Variants in C4orf36 observed in about 807,000 individuals in gnomAD.
C4orf36 encodes the protein uncharacterized protein C4orf36.
Under a neutral mutation model 12.2 loss-of-function variants are expected in C4orf36, and 11 were observed. The observed-to-expected ratio is 0.90, with a 90% CI of 0.57 to 1.49. The LOEUF is 1.49. Among genes scored for constraint, C4orf36 ranks in the 40% most tolerant of loss-of-function variants. C4orf36 has a pLI of 0.00. For missense variants in C4orf36, 137 were observed against 133.9 expected (o/e 1.02, Z -0.11); for synonymous variants, 54 against 51.3 (o/e 1.05, Z -0.22).
chr4:86,896,524 G>A (rs570047520), upstream of C4orf36, among the ~76,000 whole-genome samples: 11 of 152,040 alleles, frequency 7.2e-5, no homozygotes, highest in South Asian at 1.9e-3. Context: ...ACCAAATAAC[G>A]GCCCTAAATA....
the C4orf36 span, chr4:86,914,335 C>T: frequency 5.2e-6 from 8 of 1,526,232 alleles, no homozygotes; most frequent in African/African-American, 1.4e-5. Context: ...GTGATATGTC[C>T]GTTGTGCTCC....
chr4:86,895,749 T>TTCTATC (rs1272533733), upstream of C4orf36, among the ~76,000 whole-genome samples: 1 of 150,332 alleles, frequency 6.7e-6, no homozygotes, highest in Non-Finnish European at 1.5e-5. Context: ...TTCCCTCTAT[T>TTCTATC]TCTATCTCTA....
chr4:86,909,383 G>A, the C4orf36 span, among the ~76,000 whole-genome samples: 1 of 152,170 alleles, frequency 6.6e-6, no homozygotes, highest in African/African-American at 2.4e-5. Context: ...GGTCTCCTGT[G>A]TCAGCACTAG....
At chr4:86,915,452 G>A in the C4orf36 span, among the ~76,000 whole-genome samples, 2 of 152,212 alleles carry the variant, frequency 1.3e-5, no homozygotes, top group African/African-American at 2.4e-5. Context: ...GAAGTCATAT[G>A]GCTTTAGGGT....
chr4:86,932,056 A>G, the C4orf36 span, among the ~76,000 whole-genome samples: 35 of 141,378 alleles, frequency 2.5e-4, no homozygotes, highest in African/African-American at 9.3e-4. Context: ...AAAAAAAAAA[A>G]AAGATTTATT....
chr4:86,912,645 G>A, the C4orf36 span, among the ~76,000 whole-genome samples: 1 of 152,242 alleles, frequency 6.6e-6, no homozygotes, highest in South Asian at 2.1e-4. Flanking sequence ...TATTGCTATT[G>A]AGATGTCAAT....
At chr4:86,935,988 C>T in the C4orf36 span, 1 of 152,146 alleles carries the variant, frequency 6.6e-6, no homozygotes, top group African/African-American at 2.4e-5. Context: ...CACACGTTAC[C>T]TTAGTGTAAT....
intron 1 of C4orf36, 122 bp downstream of exon 1, chr4:86,892,061 A>T (rs10034336): frequency 0.44 from 430,854 of 985,548 alleles, 96,350 homozygotes; most frequent in Non-Finnish European, 0.46. Flanking sequence ...CGAGTCCCCT[A>T]CCCTTCCCCG....
chr4:86,932,839 C>T, the C4orf36 span, among the ~76,000 whole-genome samples: 2 of 147,434 alleles, frequency 1.4e-5, no homozygotes, highest in Admixed American at 6.8e-5. Context: ...TTATTAGAAA[C>T]ATAATCTGAA....
rs1747447455 is a variant in C4orf36 at position 86,892,194 on chromosome 4, C to T, written c.-85G>A. 1.0e-6 allele frequency: 1 copy of T among 985,570 alleles called. No homozygotes were observed. The highest frequency in any genetic ancestry group is 4.7e-5 in the South Asian group (1 of 21,292). The allele number at this position is 985,570 out of a possible 1,614,324, so 61.1% of individuals were successfully genotyped here. On this transcript the variant is annotated 5_prime_UTR_variant, in exon 1 of 5. Coordinates refer to ENST00000295898, the MANE Select transcript of C4orf36 (RefSeq NM_144645.4). Reference sequence around the variant, plus strand: ...GCTCCTTCCCACACCTGGGCCCCACCCTGCCTCCGACTCGCCAGGAATGCG... The same window carrying T: ...GCTCCTTCCCACACCTGGGCCCCACTCTGCCTCCGACTCGCCAGGAATGCG...
At chr4:86,924,803 C>A in the C4orf36 span, 1 of 152,322 alleles carries the variant, frequency 6.6e-6, no homozygotes, top group Admixed American at 6.5e-5. Flanking sequence ...TGTGTGCTAG[C>A]ACATTCTCAC....
intron 4 of C4orf36, 123 bp from the exon 5 acceptor site, chr4:86,876,566 C>G: frequency 6.2e-7 from 1 of 1,613,826 alleles, no homozygotes; most frequent in Non-Finnish European, 8.5e-7. Flanking sequence ...GACCTTTAGC[C>G]CATCAAAACC....
intron 4 of C4orf36, chr4:86,876,734 C>A (rs557031675): frequency 1.9e-5 from 29 of 1,533,262 alleles, no homozygotes. Context: ...GGAAAGTTCT[C>A]TGGCTGTTGC....
At chr4:86,905,840 G>A in the C4orf36 span, among the ~76,000 whole-genome samples, 16 of 151,392 alleles carry the variant, frequency 1.1e-4, 1 homozygote, top group African/African-American at 2.9e-4. Context: ...TCAGCCTCCC[G>A]AGTACCTGGG....
chr4:86,877,177 T>C (rs1226705582), intron 4 of C4orf36, among the ~76,000 whole-genome samples: 1 of 152,236 alleles, frequency 6.6e-6, no homozygotes, highest in Non-Finnish European at 1.5e-5. Context: ...GAAAATTGAA[T>C]TGGTTTTGAT....
chr4:86,908,764 A>C, the C4orf36 span, among the ~76,000 whole-genome samples: 3 of 152,052 alleles, frequency 2.0e-5, no homozygotes, highest in Non-Finnish European at 4.4e-5. Flanking sequence ...CATGACTACT[A>C]CCCACTATTG....
chr4:86,896,549 GTAC>G (rs1475603336), upstream of C4orf36, among the ~76,000 whole-genome samples: 1 of 152,064 alleles, frequency 6.6e-6, no homozygotes, highest in East Asian at 1.9e-4. Flanking sequence ...CCACCCTTCT[GTAC>G]TAGTTTCTAA....
At chr4:86,878,606 G>A (rs1352434947) in intron 4 of C4orf36, among the ~76,000 whole-genome samples, 4 of 152,158 alleles carry the variant, frequency 2.6e-5, no homozygotes, top group South Asian at 2.1e-4. Flanking sequence ...TCCTTCTCCC[G>A]TGCACAAGGT....
chr4:86,930,891 C>T, the C4orf36 span, among the ~76,000 whole-genome samples: 98 of 152,316 alleles, frequency 6.4e-4, no homozygotes, highest in African/African-American at 2.2e-3. Flanking sequence ...GTTCTTCTTA[C>T]AGCAAGTTCA....
Sources: gnomAD v4.1 joint callset for allele counts (sites outside exome capture counted in the v4.1 genomes callset) on GRCh38, gnomAD v4.1.1 for gene constraint, MANE v1.5 for transcripts, NCBI Gene and HGNC (gene_info 2026-07-23, HGNC 2026-07-21) for gene names.